Variants in ASTN2 observed in about 807,000 individuals in gnomAD.
The protein encoded by ASTN2 is astrotactin 2.
In ASTN2, 54 loss-of-function variants were observed where a neutral mutation model predicts 139.8. The observed-to-expected ratio is 0.39, with a 90% CI of 0.31 to 0.48. The LOEUF (loss-of-function observed/expected upper bound fraction) is 0.48, where lower values mean the gene tolerates loss of function less well. Ranked by LOEUF, ASTN2 falls within the 20% of genes least tolerant of loss-of-function variation. The pLI, the probability that ASTN2 is intolerant of heterozygous loss-of-function variation, is 0.95. For missense variants in ASTN2, 1,565 were observed against 1,725.1 expected (o/e 0.91, Z 1.64); for synonymous variants, 756 against 719.5 (o/e 1.05, Z -0.81).
intron 5 of ASTN2, among the ~76,000 whole-genome samples, chr9:117,094,183 G>GA (rs1398507787): frequency 4.8e-3 from 592 of 122,078 alleles, no homozygotes; most frequent in African/African-American, 0.017. Flanking sequence ...AGGGAGGGAG[G>GA]GAGGAGAGGA....
At chr9:116,648,585 G>C (rs1290469671) in intron 17 of ASTN2, among the ~76,000 whole-genome samples, 2 of 146,972 alleles carry the variant, frequency 1.4e-5, no homozygotes, top group African/African-American at 4.8e-5. Context: ...GGGGACCTCT[G>C]ATGCACAGAG....
chr9:117,356,512 G>A (rs1829542938), intron 1 of ASTN2, among the ~76,000 whole-genome samples: 3 of 152,206 alleles, frequency 2.0e-5, no homozygotes, highest in African/African-American at 7.2e-5. Flanking sequence ...CAAGAGCAGT[G>A]CAGGAACATA....
At chr9:116,505,494 T>G (rs898455844) in intron 19 of ASTN2, among the ~76,000 whole-genome samples, 1 of 152,148 alleles carries the variant, frequency 6.6e-6, no homozygotes, top group Non-Finnish European at 1.5e-5. Context: ...CACCTTTGGA[T>G]TCCAATAAAA....
intron 16 of ASTN2, among the ~76,000 whole-genome samples, chr9:116,705,491 A>T (rs1286648813): frequency 6.6e-6 from 1 of 152,138 alleles, no homozygotes; most frequent in Non-Finnish European, 1.5e-5. Flanking sequence ...TAAAACCAGG[A>T]TTTTCTTGTG....
chr9:116,944,408 C>T (rs948660495), intron 10 of ASTN2, among the ~76,000 whole-genome samples: 16 of 152,000 alleles, frequency 1.1e-4, no homozygotes, highest in South Asian at 8.3e-4. Flanking sequence ...AGGCCAGGCA[C>T]GGTGGCTCAT....
chr9:117,095,615 C>A (rs1828821659), intron 5 of ASTN2, among the ~76,000 whole-genome samples: 1 of 152,202 alleles, frequency 6.6e-6, no homozygotes, highest in African/African-American at 2.4e-5. Flanking sequence ...TTTCCCTTCA[C>A]ACTTTGGCTG....
intron 3 of ASTN2, among the ~76,000 whole-genome samples, chr9:117,184,255 G>A (rs369493956): frequency 1.6e-4 from 25 of 152,190 alleles, no homozygotes; most frequent in Non-Finnish European, 2.6e-4. Context: ...GAGCAGAGCC[G>A]GGGGTATAGC....
intron 1 of ASTN2, among the ~76,000 whole-genome samples, chr9:117,372,948 A>G (rs1317220691): frequency 6.6e-6 from 1 of 152,098 alleles, no homozygotes. Context: ...CACTTCTTAG[A>G]TGTAGCATCA....
chr9:117,029,675 AG>A (rs1426273616), intron 6 of ASTN2, among the ~76,000 whole-genome samples: 1 of 151,880 alleles, frequency 6.6e-6, no homozygotes, highest in African/African-American at 2.4e-5. Flanking sequence ...TGACCATGGG[AG>A]GAAAAAAAAA....
chr9:116,919,941 A>G (rs1291743184), intron 10 of ASTN2, among the ~76,000 whole-genome samples: 1 of 18,778 alleles, frequency 5.3e-5, no homozygotes, highest in Non-Finnish European at 7.2e-4. Flanking sequence ...AATCTGTCTC[A>G]AAAAAAAAAA....
At chr9:116,805,915 G>C in intron 12 of ASTN2, 95 bp from the exon 13 acceptor site, 1 of 1,274,528 alleles carries the variant, frequency 7.8e-7, no homozygotes, top group Non-Finnish European at 1.1e-6. Context: ...CTGCAAAACA[G>C]GTCAGAGTTT....
intron 10 of ASTN2, among the ~76,000 whole-genome samples, chr9:116,893,671 C>A (rs10118539): frequency 0.16 from 23,932 of 152,040 alleles, 2,574 homozygotes; most frequent in African/African-American, 0.29. Flanking sequence ...TTATTAGTAT[C>A]ATTCCCTACC....
chr9:116,883,483 C>T (rs1833508409), intron 10 of ASTN2, among the ~76,000 whole-genome samples: 1 of 152,142 alleles, frequency 6.6e-6, no homozygotes, highest in South Asian at 2.1e-4. Flanking sequence ...TGCGGAAATT[C>T]ACATCCCTCT....
chr9:117,094,921 A>G (rs979234163), intron 5 of ASTN2, among the ~76,000 whole-genome samples: 2 of 152,224 alleles, frequency 1.3e-5, no homozygotes, highest in Non-Finnish European at 2.9e-5. Context: ...TAACTTGCCT[A>G]AGAGCCAAAG....
At chr9:117,291,649 A>G (rs1834597153) in intron 1 of ASTN2, 136 bp from the exon 2 acceptor site, 2 of 670,380 alleles carry the variant, frequency 3.0e-6, no homozygotes, top group Non-Finnish European at 5.0e-6. Context: ...CATCAAGTCT[A>G]TGAGATAGGG....
At chr9:117,349,986 G>A (rs547747634) in intron 1 of ASTN2, among the ~76,000 whole-genome samples, 1 of 152,266 alleles carries the variant, frequency 6.6e-6, no homozygotes, top group South Asian at 2.1e-4. Context: ...GGTGGAAACC[G>A]AGTAAAATCT....
chr9:116,491,699 C>T (rs34513895), intron 19 of ASTN2, among the ~76,000 whole-genome samples: 3 of 152,090 alleles, frequency 2.0e-5, no homozygotes, highest in Admixed American at 1.3e-4. Context: ...TTCTTCCTCA[C>T]CCAGTGGAGG....
At chr9:116,547,799 C>G (rs561294531) in intron 19 of ASTN2, 1 of 152,340 alleles carries the variant, frequency 6.6e-6, no homozygotes, top group South Asian at 2.1e-4. Context: ...CTGAGAGGGT[C>G]TATTTGCAGG....
intron 2 of ASTN2, among the ~76,000 whole-genome samples, chr9:117,218,993 T>C (rs1412932634): frequency 6.6e-6 from 1 of 152,186 alleles, no homozygotes; most frequent in Non-Finnish European, 1.5e-5. Context: ...AAAATCTTCA[T>C]TCATGGTACC....
Sources: allele counts gnomAD v4.1 joint callset (sites outside exome capture counted in the v4.1 genomes callset), GRCh38; gene constraint gnomAD v4.1.1; transcripts MANE v1.5; gene names NCBI Gene and HGNC (gene_info 2026-07-23, HGNC 2026-07-21).